The following TENM2 variants were observed in gnomAD, a reference collection of about 807,000 sequenced individuals.
The protein encoded by TENM2 is teneurin transmembrane protein 2, also known as teneurin-2.
Under a neutral mutation model 245.2 loss-of-function variants are expected in TENM2, and 52 were observed. The observed-to-expected ratio is 0.21, with a 90% CI of 0.17 to 0.27. TENM2 has a LOEUF of 0.27. TENM2 is among the 10% of genes least tolerant of loss of function. TENM2 has a pLI of 1.00. For synonymous variants in TENM2, 1,363 were observed against 1,438.9 expected, an observed-to-expected ratio of 0.95 and a Z score of 1.19; for missense variants, 3,046 against 3,666.8, an observed-to-expected ratio of 0.83 and a Z score of 4.37.
intron 12 of TENM2, 23 bp from the exon 15 acceptor site, chr5:168,162,588 A>G: frequency 6.2e-7 from 1 of 1,611,062 alleles, no homozygotes; most frequent in Non-Finnish European, 8.5e-7. Context: ...CCTCCTTCTC[A>G]TCCTCTCCAT....
At chr5:166,996,741 A>C in the TENM2 span, among the ~76,000 whole-genome samples, 1 of 152,212 alleles carries the variant, frequency 6.6e-6, no homozygotes, top group Non-Finnish European at 1.5e-5. Context: ...TTTTGTACCT[A>C]GATGAAGAGA....
At chr5:167,422,187 AGTG>A (rs1220179902) in intron 2 of TENM2, among the ~76,000 whole-genome samples, 1 of 152,346 alleles carries the variant, frequency 6.6e-6, no homozygotes, top group Non-Finnish European at 1.5e-5. Context: ...CACTTGCAAT[AGTG>A]GTGATTAGTT....
chr5:167,745,672 ATCTAC>A (rs1387291714), intron 2 of TENM2, among the ~76,000 whole-genome samples: 5 of 152,156 alleles, frequency 3.3e-5, no homozygotes, highest in African/African-American at 9.7e-5. Context: ...TTTGCTGTTA[ATCTAC>A]TCTACCCCCA....
At chr5:167,602,882 G>T (rs1339077896) in intron 2 of TENM2, among the ~76,000 whole-genome samples, 1 of 152,190 alleles carries the variant, frequency 6.6e-6, no homozygotes, top group African/African-American at 2.4e-5. Context: ...GTAGTAAGTG[G>T]TCATGAGGAG....
chr5:167,014,784 TG>T, the TENM2 span, among the ~76,000 whole-genome samples: 3 of 152,340 alleles, frequency 2.0e-5, no homozygotes, highest in African/African-American at 7.2e-5. Flanking sequence ...AGTCTAAGAC[TG>T]ATCATCAGAG....
chr5:167,558,525 A>C (rs1478375054), intron 2 of TENM2, among the ~76,000 whole-genome samples: 1 of 152,208 alleles, frequency 6.6e-6, no homozygotes, highest in Non-Finnish European at 1.5e-5. Flanking sequence ...CTCCTGTCAG[A>C]TCAGCAGCAG....
chr5:167,985,591 TGAGA>T (rs954040677), intron 4 of TENM2, among the ~76,000 whole-genome samples: 7 of 151,402 alleles, frequency 4.6e-5, no homozygotes, highest in Non-Finnish European at 1.5e-5. Flanking sequence ...GGATACGGGG[TGAGA>T]GAGAGAGAGG....
chr5:167,271,517 A>G, the TENM2 span, among the ~76,000 whole-genome samples: 1 of 152,188 alleles, frequency 6.6e-6, no homozygotes, highest in Non-Finnish European at 1.5e-5. Flanking sequence ...TTTCATTGCT[A>G]TTCAAGTAAG....
chr5:167,337,806 G>T (rs767895779), intron 1 of TENM2, among the ~76,000 whole-genome samples: 1 of 152,184 alleles, frequency 6.6e-6, no homozygotes, highest in Non-Finnish European at 1.5e-5. Flanking sequence ...TGGAAATGTA[G>T]TTGAGATTAT....
chr5:167,748,000 A>G (rs1213688040), intron 2 of TENM2, among the ~76,000 whole-genome samples: 1 of 152,072 alleles, frequency 6.6e-6, no homozygotes, highest in Non-Finnish European at 1.5e-5. Flanking sequence ...TTTTTCCTGA[A>G]AGATCTCTAG....
intron 2 of TENM2, among the ~76,000 whole-genome samples, chr5:167,416,928 A>T (rs1242262552): frequency 1.3e-5 from 2 of 152,180 alleles, no homozygotes; most frequent in African/African-American, 4.8e-5. Flanking sequence ...AATCAATCAA[A>T]TGATGTTTGA....
chr5:168,168,451 G>A (rs937980554), intron 13 of TENM2, among the ~76,000 whole-genome samples: 4 of 152,178 alleles, frequency 2.6e-5, no homozygotes, highest in African/African-American at 9.7e-5. Context: ...AGACCAAGGT[G>A]GGTGGATTAC....
At chr5:167,078,657 A>C in the TENM2 span, among the ~76,000 whole-genome samples, 1 of 152,212 alleles carries the variant, frequency 6.6e-6, no homozygotes, top group South Asian at 2.1e-4. Flanking sequence ...GCGAATACAG[A>C]ACTATTGCTC....
chr5:167,178,661 C>T, the TENM2 span, among the ~76,000 whole-genome samples: 1 of 151,682 alleles, frequency 6.6e-6, no homozygotes, highest in Non-Finnish European at 1.5e-5. Context: ...TACTTTCTAA[C>T]TTGAACGTGA....
chr5:167,153,682 T>TATATATACGTATATATATATATATAC, the TENM2 span, among the ~76,000 whole-genome samples: 2 of 150,524 alleles, frequency 1.3e-5, no homozygotes, highest in African/African-American at 4.9e-5. Flanking sequence ...TATATATATA[T>TATATATACGTATATATATATATATAC]ACACACACAC....
the TENM2 span, among the ~76,000 whole-genome samples, chr5:167,230,177 T>C: frequency 6.6e-6 from 1 of 152,234 alleles, no homozygotes; most frequent in Middle Eastern, 3.4e-3. Context: ...TGGAGCAATG[T>C]CTCTGAACAG....
chr5:167,592,290 G>A (rs547977875), intron 2 of TENM2, among the ~76,000 whole-genome samples: 1 of 152,276 alleles, frequency 6.6e-6, no homozygotes, highest in East Asian at 1.9e-4. Context: ...TCATCAGTGG[G>A]CAAACATTCT....
intron 2 of TENM2, among the ~76,000 whole-genome samples, chr5:167,419,278 G>A (rs762296318): frequency 1.3e-5 from 2 of 151,844 alleles, no homozygotes; most frequent in Non-Finnish European, 2.9e-5. Context: ...CCTGGCCAAC[G>A]TGGTGAAACC....
the TENM2 span, among the ~76,000 whole-genome samples, chr5:167,269,919 T>A: frequency 6.6e-6 from 1 of 152,178 alleles, no homozygotes; most frequent in Non-Finnish European, 1.5e-5. Flanking sequence ...AATTCCCAGT[T>A]ACTAGGATCA....
Sources: gnomAD v4.1 joint callset for allele counts (sites outside exome capture counted in the v4.1 genomes callset) on GRCh38, gnomAD v4.1.1 for gene constraint, MANE v1.5 for transcripts, NCBI Gene and HGNC (gene_info 2026-07-23, HGNC 2026-07-21) for gene names.